The following ZBTB48 variants were observed in gnomAD, a reference collection of about 807,000 sequenced individuals.
ZBTB48 encodes zinc finger and BTB domain containing 48.
ZBTB48 carries 35 observed loss-of-function variants against 64.5 expected under a neutral mutation model. The observed-to-expected ratio is 0.54, with a 90% CI of 0.41 to 0.72. The LOEUF (loss-of-function observed/expected upper bound fraction) is 0.72. Among genes scored for constraint, ZBTB48 ranks in the 30% least tolerant of loss-of-function variants. The probability of loss-of-function intolerance (pLI) is 0.00; values close to 1 mark genes in which losing one functional copy is unlikely to be tolerated. For synonymous variants in ZBTB48, 442 were observed against 356.7 expected (o/e 1.24, Z -2.70); for missense variants, 828 against 895.3 (o/e 0.92, Z 0.96).
chr1:6,586,872 C>T (rs2148693464), intron 5 of ZBTB48, 85 bp downstream of exon 5: 1 of 1,456,134 alleles, frequency 6.9e-7, no homozygotes, highest in South Asian at 1.2e-5. Flanking sequence ...TGCTGTCAGG[C>T]ACCTCCCTCA....
In ZBTB48 at chr1:6,588,963, C is replaced by T. The variant is rs748139472; in HGVS notation, c.1818C>T (p.Tyr606=). 6.2e-7 allele frequency: 1 copy of T among 1,603,784 alleles called. No individual in the cohort carries two copies. Among genetic ancestry groups the T allele is most frequent in the Admixed American group, 1.7e-5 (1 of 59,102 alleles). Reference sequence around the variant, plus strand: ...AGATCCACGACCGGGTAGAGAACTACAACCCGCGGCAGCGCAAGCTCCGCA... The same window carrying T: ...AGATCCACGACCGGGTAGAGAACTATAACCCGCGGCAGCGCAAGCTCCGCA... ...HMEIHDRVEN[Y]NPRQRKLRNL... is the part of the protein sequence containing the mutation. The change falls in exon 11 of 11, where the codon TAC becomes TAT. Residue 606 remains tyrosine, a synonymous_variant. Coordinates refer to ENST00000377674, the MANE Select transcript of ZBTB48 (RefSeq NM_005341.4).
chr1:6,585,944 G>T lies in ZBTB48; in HGVS notation c.958G>T (p.Glu320Ter), dbSNP rs754252361. 1.2e-6 allele frequency: 2 copies of T among 1,614,100 alleles called. No individual in the cohort carries two copies. Among genetic ancestry groups the T allele is most frequent in the South Asian group, 2.2e-5 (2 of 91,086 alleles). Residue 320 changes from glutamate (E) to a stop codon, truncating the protein, a stop_gained, in exon 4 of 11, where the codon GAG becomes TAG. Coordinates refer to ENST00000377674, the MANE Select transcript of ZBTB48 (RefSeq NM_005341.4). LOFTEE classifies it high-confidence loss of function. ...NRKHTGEKPF[E>*]CPKCGKCYFR... ...GAAACATACTGGGGAGAAACCCTTT[G>T]AGTGTCCCAAATGTGGGAAGTGTTA...
At chr1:6,587,342 T>A in intron 6 of ZBTB48, 51 bp downstream of exon 6, 1 of 1,612,776 alleles carries the variant, frequency 6.2e-7, no homozygotes, top group Non-Finnish European at 8.5e-7. Flanking sequence ...TGAGCAAGAG[T>A]GAGCTGTGCC....
intron 4 of ZBTB48, 72 bp from the exon 5 acceptor site, chr1:6,586,623 C>G: frequency 6.9e-7 from 1 of 1,454,508 alleles, no homozygotes; most frequent in South Asian, 1.5e-5. Context: ...CAAGCGGAAG[C>G]CCGGGCAGAG....
At chr1:6,583,970 G>C (rs1640570095) in intron 3 of ZBTB48, among the ~76,000 whole-genome samples, 1 of 151,920 alleles carries the variant, frequency 6.6e-6, no homozygotes, top group Admixed American at 6.6e-5. Flanking sequence ...GTTTAGTAGA[G>C]ACAGGGTTTC....
In ZBTB48 at chr1:6,589,125, G is replaced by C; in HGVS notation, c.1980G>C (p.Leu660=). ...GLASQLPGQR[L]CAEESFTGPG... ...CCTCCCAGCTCCCCGGCCAGAGACT[G>C]TGTGCAGAGGAGAGCTTCACCGGCC... The change falls in exon 11 of 11, where the codon CTG becomes CTC. Residue 660 remains leucine (L), a synonymous_variant. Coordinates refer to ENST00000377674, the MANE Select transcript of ZBTB48 (RefSeq NM_005341.4). The C allele has an allele frequency of 6.2e-7, 1 of 1,600,712 alleles. No homozygotes were observed. Among genetic ancestry groups the C allele is most frequent in the Non-Finnish European group, 8.5e-7 (1 of 1,175,096 alleles).
chr1:6,587,937 G>A, intron 7 of ZBTB48, 123 bp from the exon 8 acceptor site: 2 of 1,359,024 alleles, frequency 1.5e-6, no homozygotes, highest in Admixed American at 4.6e-5. Context: ...TCGGGGTGGA[G>A]GTGGTGCCCC....
At chr1:6,586,867 T>A in intron 5 of ZBTB48, 80 bp downstream of exon 5, 1 of 1,470,980 alleles carries the variant, frequency 6.8e-7, no homozygotes, top group Non-Finnish European at 9.3e-7. Context: ...TGGGGTGCTG[T>A]CAGGCACCTC....
intron 4 of ZBTB48, 166 bp downstream of exon 4, chr1:6,586,196 G>A: frequency 1.4e-6 from 1 of 706,666 alleles, no homozygotes; most frequent in Non-Finnish European, 2.4e-6. Flanking sequence ...TACAGGTGGG[G>A]ACACAGGTCC....
rs563390976 is a variant in ZBTB48, at chr1:6,580,425, C to G, written c.-69-116C>G. ...AATATGGCCCCCGGCCCCCGGGAGGCTGTCAGTGTGTTCCAGCCCTCCGCG... is the reference window on the plus strand; with the variant it reads ...AATATGGCCCCCGGCCCCCGGGAGGGTGTCAGTGTGTTCCAGCCCTCCGCG... On this transcript the variant is annotated intron_variant, in intron 1 of 10. Coordinates refer to ENST00000377674, the MANE Select transcript of ZBTB48 (RefSeq NM_005341.4). This position sits in a 1 kb window ranked among gnomAD's most constrained non-coding sequence, Gnocchi z 5.2. The G allele has an allele frequency of 1.6e-6, 1 of 638,738 alleles. No individual in the cohort carries two copies. The highest frequency in any genetic ancestry group is 2.7e-6 in the Non-Finnish European group (1 of 374,950). The allele number at this position is 638,738 out of a possible 1,614,324, so 39.6% of individuals were successfully genotyped here.
Position 6,588,457 on chromosome 1 carries a change from C to G in ZBTB48, c.1681+15C>G. The G allele has an allele frequency of 6.7e-7, 1 of 1,496,590 alleles. No individual in the cohort carries two copies. The highest frequency in any genetic ancestry group is 8.9e-7 in the Non-Finnish European group (1 of 1,121,564). 92.7% of individuals were successfully genotyped at this position (1,496,590 alleles called of 1,614,324 possible). A position where few individuals can be genotyped will look rare whatever the true frequency, so the allele number is the denominator to read the frequency against. ...GACCTTCAAAGGTACCTGGGCGGCC[C>G]TGGGAGAGCCATTTCCTGCTCATCC... On this transcript the variant is annotated intron_variant, in intron 9 of 10. Coordinates refer to ENST00000377674, the MANE Select transcript of ZBTB48 (RefSeq NM_005341.4).
At chr1:6,588,502 G>A in intron 9 of ZBTB48, 60 bp downstream of exon 9, 2 of 1,459,042 alleles carry the variant, frequency 1.4e-6, no homozygotes, top group South Asian at 2.9e-5. Context: ...GGTCTCTGAG[G>A]AGGAAACGCT....
At chr1:6,587,319 T>C (rs1057158992) in intron 6 of ZBTB48, 28 bp downstream of exon 6, 7 of 1,613,844 alleles carry the variant, frequency 4.3e-6, no homozygotes, top group Non-Finnish European at 5.9e-6. Flanking sequence ...CTGGGCATGC[T>C]TTGATGCTGG....
Position 6,581,317 on chromosome 1 carries a change from T to G in ZBTB48, c.690+18T>G, listed in dbSNP as rs1195442703. The G allele has an allele frequency of 1.3e-6, 2 of 1,573,334 alleles. No individual in the cohort carries two copies. The highest frequency in any genetic ancestry group is 3.7e-5 in the Admixed American group (2 of 53,980). On this transcript the variant is annotated intron_variant, in intron 2 of 10. Coordinates refer to ENST00000377674, the MANE Select transcript of ZBTB48 (RefSeq NM_005341.4). ...GTAATGAGGTACTGTGCCCAGGGTG[T>G]TGGGACTGGGGAGACAAATAGAGGG...
At chr1:6,585,231 A>ACCCTG (rs1210117108) in intron 3 of ZBTB48, 3 of 152,676 alleles carry the variant, frequency 2.0e-5, no homozygotes, top group African/African-American at 7.2e-5. Flanking sequence ...CAGAGAGAAG[A>ACCCTG]GCCAGGGCGC....
At chr1:6,587,128 C>T (rs1357202919) in intron 5 of ZBTB48, 77 bp from the exon 6 acceptor site, 3 of 1,494,640 alleles carry the variant, frequency 2.0e-6, no homozygotes, top group East Asian at 2.3e-5. Flanking sequence ...CTAGTTCCTG[C>T]CCTATAGCCC....
rs1487201673 is a variant in ZBTB48, at chr1:6,586,921, G to A, written c.1137+134G>A. ...GGAGCCTGCCTTCCCTGCCTTCCCT[G>A]CCTTTCCAGTGCCCCCTTATCTAGG... On this transcript the variant is annotated intron_variant, in intron 5 of 10. Transcript: ENST00000377674. The A allele has an allele frequency of 1.7e-5, 18 of 1,036,064 alleles. No homozygotes were observed. In the East Asian group the frequency reaches 3.6e-4, roughly 21 times the overall value. The allele number at this position is 1,036,064 out of a possible 1,614,324, so 64.2% of individuals were successfully genotyped here. A position where few individuals can be genotyped will look rare whatever the true frequency, so the allele number is the denominator to read the frequency against.
chr1:6,587,860 C>G lies in ZBTB48; in HGVS notation c.1380-200C>G, dbSNP rs115025294. ...TTTCAGGCTCAGACAAGCCTCTGTG[C>G]CCCCGGGGCAGATTCTGAGCTTCCT... On this transcript the variant is annotated intron_variant, in intron 7 of 10. Coordinates refer to ENST00000377674, the MANE Select transcript of ZBTB48 (RefSeq NM_005341.4). Among the ~76,000 whole-genome samples, 1,004 of 152,266 alleles carry G rather than the reference C, an allele frequency of 6.6e-3. 11 individuals carry two copies. The highest frequency in any genetic ancestry group is 0.023 in the African/African-American group (943 of 41,538).
At chr1:6,585,833 C>T in intron 3 of ZBTB48, 86 bp from the exon 4 acceptor site, 2 of 1,334,156 alleles carry the variant, frequency 1.5e-6, no homozygotes, top group East Asian at 2.3e-5. Flanking sequence ...ACTTGTTCCC[C>T]TTAGAAGGGA....
Sources: allele counts gnomAD v4.1 joint callset (sites outside exome capture counted in the v4.1 genomes callset), GRCh38; gene constraint gnomAD v4.1.1; non-coding constraint Gnocchi (gnomAD v3.1); transcripts MANE v1.5; gene names NCBI Gene and HGNC (gene_info 2026-07-23, HGNC 2026-07-21).